The following KCNN2 variants were observed in gnomAD, a reference collection of about 807,000 sequenced individuals.
KCNN2 encodes the protein potassium calcium-activated channel subfamily N member 2.
In KCNN2, 24 loss-of-function variants were observed where a neutral mutation model predicts 55.5. That is an observed-to-expected ratio of 0.43 (90% CI 0.31 to 0.61). KCNN2 has a LOEUF of 0.61. Ranked by LOEUF, KCNN2 falls within the 20% of genes least tolerant of loss-of-function variation. KCNN2 has a pLI of 0.08. For synonymous variants in KCNN2, 431 were observed against 336.1 expected (o/e 1.28, Z -3.09); for missense variants, 754 against 853.6 (o/e 0.88, Z 1.45).
At chr5:114,162,141 C>A (rs1561503452) in intron 1 of KCNN2, among the ~76,000 whole-genome samples, 2 of 151,984 alleles carry the variant, frequency 1.3e-5, no homozygotes, top group Admixed American at 6.6e-5. Context: ...TTTTATCTAC[C>A]TTTGGTCTTT....
intron 1 of KCNN2, among the ~76,000 whole-genome samples, chr5:114,156,924 T>C (rs1034071114): frequency 3.9e-5 from 6 of 152,118 alleles, no homozygotes; most frequent in Non-Finnish European, 8.8e-5. Flanking sequence ...CTCAAGCAAG[T>C]ATTTTTTCCA....
intron 2 of KCNN2, among the ~76,000 whole-genome samples, chr5:114,387,980 C>G (rs1561601385): frequency 6.6e-6 from 1 of 152,200 alleles, no homozygotes; most frequent in South Asian, 2.1e-4. Context: ...AGCTGCCATT[C>G]AGAAACTCAT....
intron 1 of KCNN2, among the ~76,000 whole-genome samples, chr5:114,095,703 G>A (rs1313608098): frequency 6.6e-6 from 1 of 152,048 alleles, no homozygotes; most frequent in Admixed American, 6.6e-5. Flanking sequence ...GCTTCCTCTA[G>A]GGCTTGGCCT....
chr5:114,476,449 T>C (rs1436483805), intron 5 of KCNN2, among the ~76,000 whole-genome samples: 2 of 151,868 alleles, frequency 1.3e-5, no homozygotes, highest in Non-Finnish European at 2.9e-5. Flanking sequence ...TTTTTTTTTT[T>C]TGGAGATGGA....
chr5:114,215,589 A>G (rs544233345), intron 1 of KCNN2, among the ~76,000 whole-genome samples: 3 of 152,136 alleles, frequency 2.0e-5, no homozygotes, highest in African/African-American at 7.2e-5. Context: ...AAATTATGCT[A>G]CAAATCGGAC....
intron 1 of KCNN2, among the ~76,000 whole-genome samples, chr5:114,112,871 T>C (rs137989033): frequency 1.3e-5 from 2 of 152,188 alleles, no homozygotes; most frequent in Non-Finnish European, 2.9e-5. Context: ...GCTAATGGGA[T>C]CTTTTTGCAT....
At chr5:114,449,400 G>T (rs767772438) in intron 3 of KCNN2, among the ~76,000 whole-genome samples, 1 of 152,230 alleles carries the variant, frequency 6.6e-6, no homozygotes, top group Admixed American at 6.5e-5. Context: ...ACTTCCAAAA[G>T]TAATGACTTT....
At position 114,086,091 on chromosome 5, in the gene KCNN2, TTTTC is replaced by T. The variant is rs774101430; in HGVS notation, c.-271+29599_-271+29602del. ...ATTTGCATTGCATATTCTTTCTTCC[TTTTC>T]TTTCTTTGTCTTGTTTGCCATCTCT... On this transcript the variant is annotated intron_variant, in intron 1 of 10. Transcript: ENST00000512097. 1.6e-4 allele frequency among the ~76,000 whole-genome samples: 25 copies of T among 152,276 alleles called. No individual in the cohort carries two copies. In the East Asian group the frequency reaches 2.7e-3, roughly 16 times the overall value.
intron 1 of KCNN2, among the ~76,000 whole-genome samples, chr5:114,095,582 A>C (rs1360716768): frequency 6.6e-6 from 1 of 152,196 alleles, no homozygotes; most frequent in Non-Finnish European, 1.5e-5. Context: ...CAAATGGCAG[A>C]ACCAAGATTC....
chr5:114,352,363 A>G (rs1757221330), intron 2 of KCNN2, among the ~76,000 whole-genome samples: 1 of 150,288 alleles, frequency 6.7e-6, no homozygotes, highest in East Asian at 2.0e-4. Flanking sequence ...AATTTTATTG[A>G]TCTTTTCAAA....
intron 2 of KCNN2, among the ~76,000 whole-genome samples, chr5:114,258,945 T>A (rs1280676902): frequency 6.6e-6 from 1 of 152,288 alleles, no homozygotes; most frequent in East Asian, 1.9e-4. Flanking sequence ...ACACCACCAG[T>A]GGGGCTGCAG....
At chr5:114,120,939 T>G (rs568260125) in intron 1 of KCNN2, among the ~76,000 whole-genome samples, 11 of 152,340 alleles carry the variant, frequency 7.2e-5, no homozygotes, top group African/African-American at 2.6e-4. Context: ...GGAGCAGTAC[T>G]TCCCTTAGAC....
At chr5:114,126,533 A>C (rs926956663) in intron 1 of KCNN2, among the ~76,000 whole-genome samples, 11 of 152,148 alleles carry the variant, frequency 7.2e-5, no homozygotes, top group African/African-American at 1.7e-4. Context: ...TGATTCAATT[A>C]TCTCCACCGT....
intron 1 of KCNN2, among the ~76,000 whole-genome samples, chr5:114,172,131 G>A (rs894513090): frequency 2.6e-5 from 4 of 151,876 alleles, no homozygotes; most frequent in African/African-American, 7.2e-5. Context: ...AGTTTCTCCA[G>A]TTGATTCTCA....
chr5:114,087,542 C>A (rs1428193119), intron 1 of KCNN2, among the ~76,000 whole-genome samples: 1 of 152,072 alleles, frequency 6.6e-6, no homozygotes, highest in Non-Finnish European at 1.5e-5. Context: ...GTAGTCCTTT[C>A]CCCCCTCTTA....
chr5:114,239,283 T>C (rs2112612863), intron 2 of KCNN2, among the ~76,000 whole-genome samples: 1 of 152,224 alleles, frequency 6.6e-6, no homozygotes, highest in Non-Finnish European at 1.5e-5. Flanking sequence ...GGGATATATT[T>C]CAGCTGACTG....
chr5:114,146,698 A>G (rs6866867), intron 1 of KCNN2, among the ~76,000 whole-genome samples: 132,565 of 152,192 alleles, frequency 0.87, 57,868 homozygotes, highest in East Asian at 0.94. Flanking sequence ...TGAGAACAGT[A>G]TTGTACAATT....
intron 2 of KCNN2, among the ~76,000 whole-genome samples, chr5:114,259,175 G>C (rs1156278618): frequency 1.3e-5 from 2 of 152,190 alleles, no homozygotes; most frequent in African/African-American, 4.8e-5. Flanking sequence ...GGAGTTTTCA[G>C]GCTAGGAAAG....
At chr5:114,413,367 C>A (rs924598985) in intron 3 of KCNN2, among the ~76,000 whole-genome samples, 2 of 152,196 alleles carry the variant, frequency 1.3e-5, no homozygotes, top group Non-Finnish European at 2.9e-5. Flanking sequence ...TCACTGCAAC[C>A]TCTGCCTCCT....
Sources: allele counts gnomAD v4.1 joint callset (sites outside exome capture counted in the v4.1 genomes callset), GRCh38; gene constraint gnomAD v4.1.1; transcripts MANE v1.5; gene names NCBI Gene and HGNC (gene_info 2026-07-23, HGNC 2026-07-21).